The following CLASP2 variants were observed in gnomAD, a reference collection of about 807,000 sequenced individuals.
CLASP2 encodes the protein CLIP-associating protein 2.
In CLASP2, 47 loss-of-function variants were observed where a neutral mutation model predicts 194.4. The ratio of observed to expected loss-of-function variants is 0.24; its 90% CI spans 0.19 to 0.31. The LOEUF is 0.31. Ranked by LOEUF, CLASP2 falls within the 10% of genes least tolerant of loss-of-function variation. The pLI is 1.00. For missense variants in CLASP2, 1,445 were observed against 1,823.6 expected, an observed-to-expected ratio of 0.79 and a Z score of 3.78; for synonymous variants, 619 against 633.5, an observed-to-expected ratio of 0.98 and a Z score of 0.34.
chr3:33,586,317 T>C (rs2067352806), intron 21 of CLASP2, among the ~76,000 whole-genome samples: 1 of 152,062 alleles, frequency 6.6e-6, no homozygotes, highest in African/African-American at 2.4e-5. Flanking sequence ...GTATTTTTAG[T>C]AGAGACAGGA....
intron 36 of CLASP2, among the ~76,000 whole-genome samples, chr3:33,515,658 A>C (rs1348796263): frequency 6.6e-6 from 1 of 152,138 alleles, no homozygotes; most frequent in Admixed American, 6.5e-5. Context: ...CAACAAACAA[A>C]CAACCCCCCC....
Position 33,608,643 on chromosome 3 carries a change from G to T in CLASP2, c.1389-17C>A. On this transcript the variant is annotated splice_polypyrimidine_tract_variant and intron_variant, in intron 13 of 38. Coordinates refer to ENST00000682230, the MANE Select transcript of CLASP2 (RefSeq NM_001365631.1). Reference sequence around the variant, plus strand: ...AATGAACGTCTGAAAAATAAAAGTTGAATGATAACTAAATGTTGTATTGAG... The same window carrying T: ...AATGAACGTCTGAAAAATAAAAGTTTAATGATAACTAAATGTTGTATTGAG... The T allele has an allele frequency of 1.3e-6, 2 of 1,544,902 alleles. No individual in the cohort carries two copies. Among genetic ancestry groups the T allele is most frequent in the East Asian group, 2.3e-5 (1 of 43,836 alleles).
At chr3:33,690,986 T>A (rs2091290025) in intron 2 of CLASP2, among the ~76,000 whole-genome samples, 1 of 152,104 alleles carries the variant, frequency 6.6e-6, no homozygotes, top group Admixed American at 6.5e-5. Flanking sequence ...ACAATCTAGA[T>A]CCCTCAATAT....
intron 9 of CLASP2, among the ~76,000 whole-genome samples, chr3:33,631,202 T>C (rs1237880141): frequency 6.6e-6 from 1 of 152,190 alleles, no homozygotes; most frequent in African/African-American, 2.4e-5. Context: ...TAAAAATATT[T>C]TGAGTGACAA....
intron 8 of CLASP2, among the ~76,000 whole-genome samples, chr3:33,634,794 T>C (rs2079802543): frequency 6.6e-6 from 1 of 152,146 alleles, no homozygotes; most frequent in Admixed American, 6.5e-5. Context: ...TATATATAAT[T>C]TTAGTTGTCT....
intron 18 of CLASP2, among the ~76,000 whole-genome samples, chr3:33,602,102 C>T (rs192080125): frequency 1.1e-4 from 16 of 151,878 alleles, no homozygotes; most frequent in African/African-American, 2.9e-4. Flanking sequence ...CAACCTCTGC[C>T]TCCTGGGTTC....
chr3:33,687,517 A>C (rs2090833122), intron 4 of CLASP2, among the ~76,000 whole-genome samples: 1 of 152,242 alleles, frequency 6.6e-6, no homozygotes, highest in Non-Finnish European at 1.5e-5. Context: ...ATTCCAATGA[A>C]ATAAGTAAAT....
intron 21 of CLASP2, among the ~76,000 whole-genome samples, chr3:33,591,877 T>C (rs945332590): frequency 7.2e-5 from 11 of 152,190 alleles, no homozygotes; most frequent in Non-Finnish European, 1.0e-4. Flanking sequence ...ATCTAACAGA[T>C]TTTTGGGAAA....
At chr3:33,622,426 T>C (rs114842915) in intron 10 of CLASP2, 146 bp from the exon 11 acceptor site, 6,393 of 497,488 alleles carry the variant, frequency 0.013, 100 homozygotes, top group African/African-American at 0.046. Context: ...GACATCTTAG[T>C]AGCATTAAAT....
At chr3:33,544,666 A>C (rs2154148872) in intron 31 of CLASP2, 32 bp downstream of exon 31, 1 of 1,593,020 alleles carries the variant, frequency 6.3e-7, no homozygotes, top group African/African-American at 1.3e-5. Context: ...CCATCACATT[A>C]TATGATAGCC....
chr3:33,607,866 C>T (rs1029648725), intron 14 of CLASP2, among the ~76,000 whole-genome samples: 6 of 152,154 alleles, frequency 3.9e-5, no homozygotes, highest in African/African-American at 1.4e-4. Context: ...TGAATAGTAG[C>T]TGCCACAGAA....
intron 1 of CLASP2, among the ~76,000 whole-genome samples, chr3:33,699,861 T>G (rs1451814763): frequency 6.8e-6 from 1 of 146,818 alleles, no homozygotes; most frequent in Non-Finnish European, 1.5e-5. Context: ...AACCACAGAT[T>G]ATTGTACTAC....
chr3:33,657,269 T>C (rs1487706892), intron 7 of CLASP2, among the ~76,000 whole-genome samples: 1 of 152,132 alleles, frequency 6.6e-6, no homozygotes, highest in Admixed American at 6.5e-5. Context: ...TATCAAACTG[T>C]TAAGAACTAT....
chr3:33,503,256 T>C (rs2047243471), intron 37 of CLASP2: 1 of 152,278 alleles, frequency 6.6e-6, no homozygotes, highest in Admixed American at 6.5e-5. Flanking sequence ...ATGTTGTTTA[T>C]CCATTTATTA....
rs568229986 is a variant in CLASP2, at chr3:33,675,697, C to G, written c.644+8662G>C. Among the ~76,000 whole-genome samples, 493 of 146,564 alleles carry G rather than the reference C, an allele frequency of 3.4e-3. 8 individuals carry two copies. Among genetic ancestry groups the G allele is most frequent in the African/African-American group, 0.011 (443 of 40,664 alleles). Reference sequence around the variant, plus strand: ...GTATATCTAGAAAACCCCATTGTCTCAGCCCAAAATCTCCTTAAGTTGATA... The same window carrying G: ...GTATATCTAGAAAACCCCATTGTCTGAGCCCAAAATCTCCTTAAGTTGATA... On this transcript the variant is annotated intron_variant, in intron 6 of 38. Transcript: ENST00000682230.
intron 6 of CLASP2, among the ~76,000 whole-genome samples, chr3:33,664,862 G>A (rs887998599): frequency 3.3e-5 from 5 of 152,152 alleles, no homozygotes; most frequent in Non-Finnish European, 5.9e-5. Flanking sequence ...CACTTTGGGA[G>A]GCCAAGCAGC....
chr3:33,649,411 T>C (rs2082814163), intron 7 of CLASP2, among the ~76,000 whole-genome samples: 1 of 152,200 alleles, frequency 6.6e-6, no homozygotes, highest in African/African-American at 2.4e-5. Flanking sequence ...ATCTTCAACA[T>C]GTGGAACAAT....
At chr3:33,521,424 T>C (rs1400670153) in intron 34 of CLASP2, among the ~76,000 whole-genome samples, 2 of 152,162 alleles carry the variant, frequency 1.3e-5, no homozygotes, top group Non-Finnish European at 2.9e-5. Flanking sequence ...AAACCATGTG[T>C]TACTAGATAG....
rs2085039615 is a variant in CLASP2, at chr3:33,660,115, T to C, written c.715+3330A>G. Among the ~76,000 whole-genome samples, 6 of 152,360 alleles carry C rather than the reference T, an allele frequency of 3.9e-5. No individual in the cohort carries two copies. In the South Asian group the frequency reaches 1.2e-3, roughly 32 times the overall value. On this transcript the variant is annotated intron_variant, in intron 7 of 38. Coordinates refer to ENST00000682230, the MANE Select transcript of CLASP2 (RefSeq NM_001365631.1). Reference sequence around the variant, plus strand: ...ACAAATAAGAATTATGCATAGTTTTTTTCACAGTGAAAGAGAAAAGGATTT... The same window carrying C: ...ACAAATAAGAATTATGCATAGTTTTCTTCACAGTGAAAGAGAAAAGGATTT...
Sources: gnomAD v4.1 joint callset for allele counts (sites outside exome capture counted in the v4.1 genomes callset) on GRCh38, gnomAD v4.1.1 for gene constraint, MANE v1.5 for transcripts, NCBI Gene and HGNC (gene_info 2026-07-23, HGNC 2026-07-21) for gene names.